Variants in SORCS3 observed in about 807,000 individuals in gnomAD.
The protein encoded by SORCS3 is VPS10 domain-containing receptor SorCS3.
A neutral mutation model predicts 146.3 loss-of-function variants in SORCS3; 57 were observed. The observed-to-expected ratio is 0.39, with a 90% CI of 0.31 to 0.49. The LOEUF (loss-of-function observed/expected upper bound fraction) is 0.49, where lower values mean the gene tolerates loss of function less well. Among genes scored for constraint, SORCS3 ranks in the 20% least tolerant of loss-of-function variants. SORCS3 has a pLI of 0.92. For missense variants in SORCS3, 1,341 were observed against 1,575.5 expected (o/e 0.85, Z 2.52); for synonymous variants, 653 against 618.5 (o/e 1.06, Z -0.83).
chr10:104,735,456 G>GTCTTTTTTTTTTTTTT (rs2016757296), intron 1 of SORCS3, among the ~76,000 whole-genome samples: 1 of 34,994 alleles, frequency 2.9e-5, no homozygotes, highest in African/African-American at 1.2e-4. Flanking sequence ...CTCACCGTCT[G>GTCTTTTTTTTTTTTTT]TTTTTTTTTT....
chr10:104,680,635 T>G (rs1024073484), intron 1 of SORCS3, among the ~76,000 whole-genome samples: 3 of 152,226 alleles, frequency 2.0e-5, no homozygotes, highest in Non-Finnish European at 2.9e-5. Flanking sequence ...TGTATAGGAT[T>G]GTTGTGAGGG....
intron 7 of SORCS3, among the ~76,000 whole-genome samples, chr10:105,132,009 G>C (rs2056022943): frequency 6.6e-6 from 1 of 152,072 alleles, no homozygotes; most frequent in Non-Finnish European, 1.5e-5. Context: ...TATTTTCTGG[G>C]AATTGGAAAT....
chr10:105,263,440 A>C lies in SORCS3; in HGVS notation c.*66A>C. The stretch of plus-strand genomic sequence containing the variant: ...ATTTTTGATGATTACTATTACTATT[A>C]TTATGGAAAAATTAAAATGTCTTTT... On this transcript the variant is annotated 3_prime_UTR_variant, in exon 27 of 27. Transcript: ENST00000369701. The C allele has an allele frequency of 6.8e-7, 1 of 1,460,290 alleles. No homozygotes were observed. The highest frequency in any genetic ancestry group is 1.2e-5 in the South Asian group (1 of 84,058). 90.5% of individuals were successfully genotyped at this position (1,460,290 alleles called of 1,614,324 possible). A position where few individuals can be genotyped will look rare whatever the true frequency, so the allele number is the denominator to read the frequency against.
rs563439065 is a variant in SORCS3 at position 104,791,855 on chromosome 10, G to T, written c.628-50937G>T. On this transcript the variant is annotated intron_variant, in intron 1 of 26. Transcript: ENST00000369701. ...CATAAGCAGATTAGTTATGAATGAAGAGGGTTCATTCTCAACAGAAAAATT... is the reference window on the plus strand; with the variant it reads ...CATAAGCAGATTAGTTATGAATGAATAGGGTTCATTCTCAACAGAAAAATT... Among the ~76,000 whole-genome samples, 5 of 152,282 alleles carry T rather than the reference G, an allele frequency of 3.3e-5. No individual in the cohort carries two copies. The South Asian group carries it at 1.0e-3, about 32-fold the overall frequency.
At chr10:104,709,392 T>C (rs1246051783) in intron 1 of SORCS3, among the ~76,000 whole-genome samples, 1 of 152,202 alleles carries the variant, frequency 6.6e-6, no homozygotes, top group East Asian at 1.9e-4. Flanking sequence ...TGGGATTTTG[T>C]GCCAATTCTC....
chr10:105,088,450 GA>G (rs2055678269), intron 5 of SORCS3, among the ~76,000 whole-genome samples: 1 of 152,084 alleles, frequency 6.6e-6, no homozygotes, highest in South Asian at 2.1e-4. Flanking sequence ...GACCTTTCAA[GA>G]AGTAATAATT....
intron 14 of SORCS3, among the ~76,000 whole-genome samples, chr10:105,192,988 A>G (rs1247020491): frequency 6.6e-6 from 1 of 152,220 alleles, no homozygotes; most frequent in African/African-American, 2.4e-5. Flanking sequence ...CCTAAATTAT[A>G]GCAATTATAT....
chr10:104,782,269 G>A (rs1340394206), intron 1 of SORCS3, among the ~76,000 whole-genome samples: 4 of 152,230 alleles, frequency 2.6e-5, no homozygotes, highest in East Asian at 3.9e-4. Context: ...TGTATCTCCC[G>A]GTTGTCTAGC....
chr10:105,255,766 T>C lies in SORCS3; in HGVS notation c.3302T>C (p.Val1101Ala). ...GTCCAGTTTGAGCTGAAGCCGGGGG[T>C]ACAAGTCATTGTGTATGTCACACAG... ...NLVQFELKPG[V>A]QVIVYVTQLT... Residue 1101 changes from valine (V) to alanine (A), a missense_variant, in exon 24 of 27, where the codon GTA becomes GCA. Val to Ala is a moderately conservative substitution (Grantham distance 64). Transcript: ENST00000369701. 2 of 1,613,854 alleles carry C rather than the reference T, an allele frequency of 1.2e-6. No individual in the cohort carries two copies. Among genetic ancestry groups the C allele is most frequent in the African/African-American group, 1.3e-5 (1 of 75,016 alleles).
At chr10:104,980,118 C>G (rs1012892184) in intron 4 of SORCS3, among the ~76,000 whole-genome samples, 2 of 152,208 alleles carry the variant, frequency 1.3e-5, no homozygotes, top group Non-Finnish European at 2.9e-5. Flanking sequence ...TACTTTCAGA[C>G]TTGGTGGCTG....
At chr10:104,869,728 C>A (rs1044739860) in intron 2 of SORCS3, among the ~76,000 whole-genome samples, 1 of 152,130 alleles carries the variant, frequency 6.6e-6, no homozygotes, top group Non-Finnish European at 1.5e-5. Flanking sequence ...TATCAGGATG[C>A]GTAATTACTA....
chr10:105,151,456 T>C (rs867092460), intron 9 of SORCS3, among the ~76,000 whole-genome samples: 1 of 152,194 alleles, frequency 6.6e-6, no homozygotes, highest in Non-Finnish European at 1.5e-5. Flanking sequence ...TTTGTAACTT[T>C]ATATTAGAAT....
intron 15 of SORCS3, among the ~76,000 whole-genome samples, 178 bp from the exon 16 acceptor site, chr10:105,200,942 T>TGTGGTA (rs1341862499): frequency 6.6e-6 from 1 of 152,162 alleles, no homozygotes; most frequent in Non-Finnish European, 1.5e-5. Context: ...GTTCCTTTTA[T>TGTGGTA]GTGGTAGTGA....
chr10:105,231,024 C>T (rs927864382), intron 20 of SORCS3, among the ~76,000 whole-genome samples: 1 of 152,146 alleles, frequency 6.6e-6, no homozygotes, highest in South Asian at 2.1e-4. Context: ...GGAGGTCTCT[C>T]ACTTGCCCTT....
intron 1 of SORCS3, among the ~76,000 whole-genome samples, chr10:104,816,190 A>G (rs1489347090): frequency 1.3e-5 from 2 of 152,232 alleles, no homozygotes; most frequent in African/African-American, 2.4e-5. Context: ...AGCATACAGT[A>G]TTCGCAGGAG....
chr10:105,066,368 C>T (rs138839641), intron 5 of SORCS3, among the ~76,000 whole-genome samples: 102 of 152,182 alleles, frequency 6.7e-4, no homozygotes, highest in African/African-American at 2.1e-3. Context: ...CAGAGATGAA[C>T]GGGGTGAGAA....
At chr10:104,681,356 G>C (rs2015972644) in intron 1 of SORCS3, among the ~76,000 whole-genome samples, 1 of 152,122 alleles carries the variant, frequency 6.6e-6, no homozygotes, top group South Asian at 2.1e-4. Flanking sequence ...CCTGCAGTGT[G>C]GGGGCTGCTG....
At chr10:104,845,544 C>T (rs2018194122) in intron 2 of SORCS3, among the ~76,000 whole-genome samples, 1 of 152,146 alleles carries the variant, frequency 6.6e-6, no homozygotes, top group South Asian at 2.1e-4. Context: ...ATAGCATTTT[C>T]ATTCCATTGT....
intron 4 of SORCS3, among the ~76,000 whole-genome samples, chr10:105,003,908 GA>G (rs2055076811): frequency 6.6e-6 from 1 of 151,894 alleles, no homozygotes; most frequent in African/African-American, 2.4e-5. Context: ...TCCAGTCAGG[GA>G]AAAGATGGGA....
Sources: allele counts gnomAD v4.1 joint callset (sites outside exome capture counted in the v4.1 genomes callset), GRCh38; gene constraint gnomAD v4.1.1; transcripts MANE v1.5; gene names NCBI Gene and HGNC (gene_info 2026-07-23, HGNC 2026-07-21).